Variants in ABCA12 observed in about 807,000 individuals in gnomAD.
ABCA12 encodes the protein ATP binding cassette subfamily A member 12, also known as glucosylceramide transporter ABCA12.
A neutral mutation model predicts 293.5 loss-of-function variants in ABCA12; 156 were observed. The observed-to-expected ratio is 0.53, with a 90% CI of 0.47 to 0.61. The LOEUF (loss-of-function observed/expected upper bound fraction) is 0.61. Among genes scored for constraint, ABCA12 ranks in the 20% least tolerant of loss-of-function variants. The pLI is 0.00. For synonymous variants in ABCA12, 1,063 were observed against 1,108.0 expected, an observed-to-expected ratio of 0.96 and a Z score of 0.81; for missense variants, 2,797 against 3,090.2, an observed-to-expected ratio of 0.91 and a Z score of 2.25.
At position 215,012,081 on chromosome 2, in the gene ABCA12, T is replaced by C. The variant is rs890888881; in HGVS notation, c.2011A>G (p.Ile671Val). ...KPVEKMMELF[I>V]RLKEILNQMA... ...TGATTGAGAATCTCTTTTAGTCTTA[T>C]GAAGAGCTCCATCATCTTTTCTACT... Residue 671 changes from isoleucine (I) to valine (V), a missense_variant, in exon 16 of 53, where the codon ATA (isoleucine) becomes GTA (valine). By Grantham distance (29) the Ile-to-Val change is conservative. Coordinates refer to ENST00000272895, the MANE Select transcript of ABCA12 (RefSeq NM_173076.3). 10 of 1,614,012 alleles carry C rather than the reference T, an allele frequency of 6.2e-6. No individual in the cohort carries two copies. Among genetic ancestry groups the C allele is most frequent in the East Asian group, 4.5e-5 (2 of 44,870 alleles).
At chr2:215,015,349 A>C in intron 15 of ABCA12, 141 bp downstream of exon 15, 1 of 860,184 alleles carries the variant, frequency 1.2e-6, no homozygotes, top group Non-Finnish European at 1.8e-6. Flanking sequence ...CTAAGGTTGC[A>C]TTTAGCTTTA....
intron 50 of ABCA12, among the ~76,000 whole-genome samples, chr2:214,939,421 G>T (rs902650572): frequency 2.0e-5 from 3 of 152,098 alleles, no homozygotes; most frequent in African/African-American, 7.2e-5. Flanking sequence ...TGTTCTTTTT[G>T]CTCAGAATTG....
intron 23 of ABCA12, among the ~76,000 whole-genome samples, chr2:214,994,007 A>T (rs978275630): frequency 2.0e-5 from 3 of 152,078 alleles, no homozygotes; most frequent in Non-Finnish European, 4.4e-5. Context: ...AAACAGGGTG[A>T]GTTAGGTGCT....
chr2:214,996,834 G>A (rs1700044932), intron 23 of ABCA12, among the ~76,000 whole-genome samples: 1 of 152,168 alleles, frequency 6.6e-6, no homozygotes, highest in African/African-American at 2.4e-5. Flanking sequence ...AAGGACAAGT[G>A]GATGGACGGG....
chr2:214,964,682 G>C (rs1253354948), intron 39 of ABCA12, among the ~76,000 whole-genome samples: 1 of 152,000 alleles, frequency 6.6e-6, no homozygotes, highest in Non-Finnish European at 1.5e-5. Flanking sequence ...GGAAGTGAAG[G>C]ACCTCTTCAA....
chr2:215,030,265 T>G (rs191580533), intron 9 of ABCA12: 2 of 152,246 alleles, frequency 1.3e-5, no homozygotes, highest in Admixed American at 1.3e-4. Context: ...TTGCTATTAT[T>G]ATTTTTGATG....
At position 215,049,695 on chromosome 2, in the gene ABCA12, G is replaced by A. The variant is rs759750918; in HGVS notation, c.624C>T (p.Asn208=). Residue 208 remains asparagine (N), a synonymous_variant, in exon 6 of 53, where the codon AAC becomes AAT. Coordinates refer to ENST00000272895, the MANE Select transcript of ABCA12 (RefSeq NM_173076.3). ...SWTFLGRNVF[N]KFCLSNMTLL... ...GGGTCATGTTAGAAAGGCAAAATTT[G>A]TTAAAAACATTTCTTCCTAGAAAGG... is the stretch of plus-strand genomic sequence containing the variant. The A allele has an allele frequency of 6.2e-7, 1 of 1,613,572 alleles. No individual in the cohort carries two copies. The highest frequency in any genetic ancestry group is 1.3e-5 in the African/African-American group (1 of 75,010).
At chr2:215,128,120 A>G (rs928625087) in intron 1 of ABCA12, among the ~76,000 whole-genome samples, 4 of 152,226 alleles carry the variant, frequency 2.6e-5, no homozygotes, top group African/African-American at 9.6e-5. Flanking sequence ...CTATAAAGAT[A>G]GGGCCTCAAT....
chr2:215,003,597 TC>T (rs1198129741), intron 20 of ABCA12, among the ~76,000 whole-genome samples: 7 of 151,984 alleles, frequency 4.6e-5, no homozygotes, highest in Non-Finnish European at 1.0e-4. Flanking sequence ...AATAAAGTGC[TC>T]CCTTACTTCT....
At chr2:215,063,752 T>G (rs1022417893) in intron 3 of ABCA12, among the ~76,000 whole-genome samples, 7 of 151,968 alleles carry the variant, frequency 4.6e-5, no homozygotes, top group Non-Finnish European at 8.8e-5. Flanking sequence ...ATGCTTGTGA[T>G]GAGTCTCAGG....
intron 35 of ABCA12, 107 bp downstream of exon 35, chr2:214,974,671 G>C (rs1337197470): frequency 9.5e-7 from 1 of 1,051,350 alleles, no homozygotes; most frequent in East Asian, 2.4e-5. Context: ...TTCTATCAGG[G>C]TACAGCTTTC....
rs71399174 is a variant in ABCA12, at chr2:215,134,646, C to CAGAG, written c.69+3490_69+3493dup. Among the ~76,000 whole-genome samples, 23 of 93,284 alleles carry CAGAG rather than the reference C, an allele frequency of 2.5e-4. 1 individual carries two copies. Among genetic ancestry groups the CAGAG allele is most frequent in the Admixed American group, 4.4e-4 (4 of 9,064 alleles). 61.2% of individuals were successfully genotyped at this position (93,284 alleles called of 152,430 possible). A position where few individuals can be genotyped will look rare whatever the true frequency, so the allele number is the denominator to read the frequency against. On this transcript the variant is annotated intron_variant, in intron 1 of 52. Transcript: ENST00000272895. The stretch of plus-strand genomic sequence containing the variant: ...AGAGAGAGAGAGAGAGAGAGACAAA[C>CAGAG]AGAGAGAGAGAGAGAGAGAGAGACA...
chr2:215,020,223 AC>A (rs1355705677), intron 11 of ABCA12, among the ~76,000 whole-genome samples: 6 of 151,488 alleles, frequency 4.0e-5, no homozygotes, highest in Admixed American at 1.3e-4. Context: ...AAAAAAAAAA[AC>A]AAAATAACAA....
intron 43 of ABCA12, among the ~76,000 whole-genome samples, chr2:214,954,440 C>G (rs73987761): frequency 0.08 from 12,234 of 152,020 alleles, 1,064 homozygotes; most frequent in African/African-American, 0.22. Context: ...TCATTATGTG[C>G]CTGAGGGAGG....
chr2:214,992,868 A>AAAAT lies in ABCA12; in HGVS notation c.3295-1841_3295-1838dup, dbSNP rs537867650. ...AGAGACAAGAGTGAAATTCTGTCTC[A>AAAAT]AAATAAATAAATAAATAAATAAATA... On this transcript the variant is annotated intron_variant, in intron 23 of 52. Transcript: ENST00000272895. Among the ~76,000 whole-genome samples, 671 of 152,068 alleles carry AAAAT rather than the reference A, an allele frequency of 4.4e-3. 16 individuals are homozygous for AAAAT. Among genetic ancestry groups the AAAAT allele is most frequent in the East Asian group, 0.036 (185 of 5,158 alleles).
chr2:214,969,950 T>G (rs1009097510), intron 37 of ABCA12, among the ~76,000 whole-genome samples: 1 of 151,968 alleles, frequency 6.6e-6, no homozygotes, highest in African/African-American at 2.4e-5. Flanking sequence ...AGGCCAATTG[T>G]CATCAAAAGT....
intron 2 of ABCA12, among the ~76,000 whole-genome samples, chr2:215,098,174 G>A (rs553955250): frequency 7.2e-5 from 11 of 152,196 alleles, no homozygotes; most frequent in South Asian, 2.1e-4. Flanking sequence ...TTCTCTTTGC[G>A]GTTTAAATGT....
In ABCA12 at chr2:215,060,390, GT is replaced by G. The variant is rs1397516536; in HGVS notation, c.317+3675del. Among the ~76,000 whole-genome samples, 5 of 151,752 alleles carry G rather than the reference GT, an allele frequency of 3.3e-5. No individual in the cohort carries two copies. The East Asian group carries it at 5.8e-4, about 18-fold the overall frequency. ...AATAATTAAGACATTCTTCTACTTT[GT>G]TTTTTGATAAATAAAATTTTAACCA... On this transcript the variant is annotated intron_variant, in intron 3 of 52. Transcript: ENST00000272895.
chr2:214,994,400 G>T (rs537151513), intron 23 of ABCA12, among the ~76,000 whole-genome samples: 131 of 152,312 alleles, frequency 8.6e-4, no homozygotes, highest in African/African-American at 3.0e-3. Flanking sequence ...GCCAAAGTCT[G>T]CCCAGTTTAT....
Sources: gnomAD v4.1 joint callset for allele counts (sites outside exome capture counted in the v4.1 genomes callset) on GRCh38, gnomAD v4.1.1 for gene constraint, MANE v1.5 for transcripts, NCBI Gene and HGNC (gene_info 2026-07-23, HGNC 2026-07-21) for gene names.